Variants in OR4K1 observed in about 807,000 individuals in gnomAD.
OR4K1 encodes olfactory receptor 4K1.
OR4K1 carries 16 observed loss-of-function variants against 14.4 expected under a neutral mutation model. The ratio of observed to expected loss-of-function variants is 1.11; its 90% CI spans 0.75 to 1.68. OR4K1 has a LOEUF of 1.68. Ranked by LOEUF, OR4K1 falls within the 40% of genes most tolerant of loss-of-function variation. OR4K1 has a pLI of 0.00. For synonymous variants in OR4K1, 181 were observed against 133.1 expected (o/e 1.36, Z -2.48); for missense variants, 548 against 376.9 (o/e 1.45, Z -3.76).
At chr14:19,920,514 C>A in the OR4K1 span, 2 of 1,439,792 alleles carry the variant, frequency 1.4e-6, no homozygotes, top group South Asian at 2.8e-5. Context: ...TCTCAGAATC[C>A]CTCACCTTAA....
the OR4K1 span, among the ~76,000 whole-genome samples, chr14:19,924,818 C>T: frequency 6.6e-6 from 1 of 152,192 alleles, no homozygotes; most frequent in Non-Finnish European, 1.5e-5. Flanking sequence ...AGGGACATTC[C>T]TAATGCTAAG....
At position 19,936,650 on chromosome 14, in the gene OR4K1, A is replaced by G. The variant is rs760711711; in HGVS notation, c.*48A>G. On this transcript the variant is annotated 3_prime_UTR_variant, in exon 2 of 2. Coordinates refer to ENST00000641172, the MANE Select transcript of OR4K1 (RefSeq NM_001004063.3). ...TCCTGAATTAGAATGAAGACCCTCC[A>G]GTGTATCATAGTGTCATGCCAACCA... 4 of 1,464,576 alleles carry G rather than the reference A, an allele frequency of 2.7e-6. No individual in the cohort carries two copies. The highest frequency in any genetic ancestry group is 3.7e-6 in the Non-Finnish European group (4 of 1,086,740). The allele number at this position is 1,464,576 out of a possible 1,614,324, so 90.7% of individuals were successfully genotyped here.
At chr14:19,935,285 C>T (rs1002748662) in intron 1 of OR4K1, among the ~76,000 whole-genome samples, 7 of 152,202 alleles carry the variant, frequency 4.6e-5, no homozygotes, top group South Asian at 4.1e-4. Flanking sequence ...AGAAATTATT[C>T]GAGCTAAAAC....
At chr14:19,924,400 C>CAA in the OR4K1 span, among the ~76,000 whole-genome samples, 1,672 of 79,278 alleles carry the variant, frequency 0.021, 117 homozygotes, top group African/African-American at 0.058. Flanking sequence ...AACTCCGTAT[C>CAA]AAAAAAAAAA....
At chr14:19,932,966 ACACTTATAAATATATATTTATAG>A (rs1566501759) in intron 1 of OR4K1, among the ~76,000 whole-genome samples, 4 of 109,806 alleles carry the variant, frequency 3.6e-5, no homozygotes, top group African/African-American at 6.2e-5. Flanking sequence ...AATATTTATA[ACACTTATAAATATATATTTATAG>A]CACTTATAAA....
At position 19,936,600 on chromosome 14, in the gene OR4K1, T is replaced by C. The variant is rs777693867; in HGVS notation, c.934T>C (p.Ter312GlnextTer11). The C allele has an allele frequency of 1.3e-6, 2 of 1,594,832 alleles. No individual in the cohort carries two copies. The highest frequency in any genetic ancestry group is 2.2e-5 in the East Asian group (1 of 44,790). Residue 312 changes from the stop codon to glutamine, a stop_lost, in exon 2 of 2, where the codon TAG (stop) becomes CAG (glutamine). Transcript: ENST00000641172. ...RNRHVNSWKN[*>Q] is the part of the protein sequence containing the mutation. ...CCGTCATGTGAACTCCTGGAAAAACTAGGGATCATTACGAAGGAGCATAAT... is the reference window on the plus strand; with the variant it reads ...CCGTCATGTGAACTCCTGGAAAAACCAGGGATCATTACGAAGGAGCATAAT...
At chr14:19,922,753 C>T in the OR4K1 span, among the ~76,000 whole-genome samples, 10,764 of 149,920 alleles carry the variant, frequency 0.072, 101 homozygotes, top group Non-Finnish European at 0.098. Flanking sequence ...AGACCTCTTC[C>T]GTCACTTCAA....
chr14:19,923,570 T>A, the OR4K1 span, among the ~76,000 whole-genome samples: 1 of 152,072 alleles, frequency 6.6e-6, no homozygotes, highest in Non-Finnish European at 1.5e-5. Flanking sequence ...AAATAAATGT[T>A]GAAAAAGAAA....
chr14:19,921,339 G>T, the OR4K1 span: 1 of 1,614,150 alleles, frequency 6.2e-7, no homozygotes, highest in Non-Finnish European at 8.5e-7. Context: ...TTCCCATATT[G>T]CAGTAGTAAT....
chr14:19,936,047 T>G lies in OR4K1; in HGVS notation c.381T>G (p.Cys127Trp), dbSNP rs1046172965. The G allele has an allele frequency of 1.4e-5, 23 of 1,614,276 alleles. No homozygotes were observed. The highest frequency in any genetic ancestry group is 1.9e-5 in the Non-Finnish European group (23 of 1,180,050). The change falls in exon 2 of 2, where the codon TGT becomes TGG. Residue 127 changes from cysteine (C) to tryptophan (W), a missense_variant. Cys to Trp is a radical substitution (Grantham distance 215). Coordinates refer to ENST00000641172, the MANE Select transcript of OR4K1 (RefSeq NM_001004063.3). ...AMAYDRFIAICKPLHYSTIMN... is the reference protein window; with the variant it reads ...AMAYDRFIAIWKPLHYSTIMN... ...CATATGACAGATTTATAGCCATATG[T>G]AAGCCTCTGCACTACAGTACAATTA...
chr14:19,936,547 T>C lies in OR4K1; in HGVS notation c.881T>C (p.Val294Ala). ...ATCTACTCTCTGAGGAATGAAGATG[T>C]TAAAGCAGCCATGTGGAAGCTGAGA... ...PIIYSLRNED[V>A]KAAMWKLRNR... The change falls in exon 2 of 2, where the codon GTT (valine) becomes GCT (alanine). Residue 294 changes from valine (V) to alanine (A), a missense_variant. Transcript: ENST00000641172. 6 of 1,611,260 alleles carry C rather than the reference T, an allele frequency of 3.7e-6. No homozygotes were observed. Among genetic ancestry groups the C allele is most frequent in the African/African-American group, 2.7e-5 (2 of 74,896 alleles).
At chr14:19,927,243 C>T (rs933622648), upstream of OR4K1, among the ~76,000 whole-genome samples, 2 of 152,198 alleles carry the variant, frequency 1.3e-5, no homozygotes, top group African/African-American at 4.8e-5. Flanking sequence ...TGCCTTGGTG[C>T]AAGCCAAAAA....
At chr14:19,934,140 G>C (rs1882250212) in intron 1 of OR4K1, among the ~76,000 whole-genome samples, 1 of 152,234 alleles carries the variant, frequency 6.6e-6, no homozygotes, top group South Asian at 2.1e-4. Flanking sequence ...GGGGTGCAGA[G>C]CTTCAGTTAG....
the OR4K1 span, among the ~76,000 whole-genome samples, chr14:19,922,036 T>G: frequency 2.0e-5 from 3 of 151,886 alleles, no homozygotes; most frequent in African/African-American, 7.3e-5. Context: ...TATAACTGCT[T>G]AAGTTCAAGT....
chr14:19,934,437 A>G (rs1882256635), intron 1 of OR4K1, among the ~76,000 whole-genome samples: 1 of 152,290 alleles, frequency 6.6e-6, no homozygotes, highest in Non-Finnish European at 1.5e-5. Context: ...AGGTGTGTAT[A>G]GAAAGATAAA....
At chr14:19,925,374 C>A in the OR4K1 span, among the ~76,000 whole-genome samples, 1 of 152,062 alleles carries the variant, frequency 6.6e-6, no homozygotes, top group South Asian at 2.1e-4. Context: ...AAAAAAAAAA[C>A]TACCTTTTTG....
upstream of OR4K1, among the ~76,000 whole-genome samples, chr14:19,928,360 C>A (rs1416562064): frequency 6.6e-6 from 1 of 152,122 alleles, no homozygotes; most frequent in East Asian, 1.9e-4. Flanking sequence ...AACTATACTT[C>A]AGTTATGGAA....
chr14:19,932,110 G>A (rs1246582276), intron 1 of OR4K1, among the ~76,000 whole-genome samples: 1 of 152,154 alleles, frequency 6.6e-6, no homozygotes, highest in Non-Finnish European at 1.5e-5. Flanking sequence ...GGAATTTCTA[G>A]TTGTTTCCTA....
chr14:19,920,935 G>A, the OR4K1 span: 2 of 1,614,146 alleles, frequency 1.2e-6, no homozygotes, highest in South Asian at 2.2e-5. Context: ...TTTACTGGAG[G>A]GGAGATGGTG....
Sources: allele counts gnomAD v4.1 joint callset (sites outside exome capture counted in the v4.1 genomes callset), GRCh38; gene constraint gnomAD v4.1.1; transcripts MANE v1.5; gene names NCBI Gene and HGNC (gene_info 2026-07-23, HGNC 2026-07-21).